The following NSUN3 variants were observed in gnomAD, a reference collection of about 807,000 sequenced individuals.
NSUN3 encodes the protein NOP2/Sun RNA methyltransferase 3, also known as tRNA (cytosine(34)-C(5))-methyltransferase, mitochondrial.
In NSUN3, 24 loss-of-function variants were observed where a neutral mutation model predicts 36.8. That is an observed-to-expected ratio of 0.65 (90% CI 0.47 to 0.92). The LOEUF (loss-of-function observed/expected upper bound fraction) is 0.92. NSUN3 is among the 40% of genes least tolerant of loss of function. The pLI is 0.00. For synonymous variants in NSUN3, 146 were observed against 145.2 expected (o/e 1.01, Z -0.04); for missense variants, 381 against 392.8 (o/e 0.97, Z 0.25).
At chr3:94,124,672 T>C (rs1027277687) in intron 5 of NSUN3, among the ~76,000 whole-genome samples, 14 of 152,200 alleles carry the variant, frequency 9.2e-5, no homozygotes, top group Admixed American at 9.2e-4. Context: ...ATGGACCCTG[T>C]CTGTAAATAC....
Position 94,099,817 on chromosome 3 carries a change from G to A in NSUN3, c.743+4663G>A, listed in dbSNP as rs904088998. Among the ~76,000 whole-genome samples the A allele has an allele frequency of 9.9e-4, 139 of 139,874 alleles. 1 individual carries two copies. The highest frequency in any genetic ancestry group is 1.4e-3 in the Non-Finnish European group (88 of 63,250). 91.8% of individuals were successfully genotyped at this position (139,874 alleles called of 152,430 possible). On this transcript the variant is annotated intron_variant, in intron 5 of 5. Transcript: ENST00000314622. Reference sequence around the variant, plus strand: ...ACTTCAAAAAATGAAAAAAAAAAAAGACTATAGCACTTTTATCATCAGGAA... The same window carrying A: ...ACTTCAAAAAATGAAAAAAAAAAAAAACTATAGCACTTTTATCATCAGGAA...
At chr3:94,084,946 T>G (rs1050763643) in intron 3 of NSUN3, 2 of 152,422 alleles carry the variant, frequency 1.3e-5, no homozygotes, top group Admixed American at 1.3e-4. Context: ...CAGGTGAAAT[T>G]AATTTGAATA....
intron 5 of NSUN3, among the ~76,000 whole-genome samples, chr3:94,119,911 T>C (rs551128179): frequency 6.6e-6 from 1 of 152,400 alleles, no homozygotes; most frequent in South Asian, 2.1e-4. Flanking sequence ...TTTTCTCATT[T>C]AGAAATTAAT....
At position 94,126,300 on chromosome 3, in the gene NSUN3, A is replaced by G. The variant is rs2077485608; in HGVS notation, c.833A>G (p.Glu278Gly). 2 of 1,614,036 alleles carry G rather than the reference A, an allele frequency of 1.2e-6. No homozygotes were observed. Among genetic ancestry groups the G allele is most frequent in the Non-Finnish European group, 1.7e-6 (2 of 1,180,014 alleles). Residue 278 changes from glutamate (E) to glycine (G), a missense_variant, in exon 6 of 6, where the codon GAA becomes GGA. Transcript: ENST00000314622. ...SKAENQDVIS[E>G]ILNSHGNIMP... ...GCAGAAAATCAAGATGTGATCAGTG[A>G]AATTTTAAACTCCCACGGTAACATC...
chr3:94,072,660 G>T (rs2077228740), intron 2 of NSUN3, among the ~76,000 whole-genome samples: 1 of 152,078 alleles, frequency 6.6e-6, no homozygotes, highest in Non-Finnish European at 1.5e-5. Context: ...GAAGAAATCT[G>T]TATAGTTCAG....
intron 5 of NSUN3, among the ~76,000 whole-genome samples, chr3:94,104,969 AT>A (rs2107263032): frequency 6.6e-6 from 1 of 152,322 alleles, no homozygotes; most frequent in African/African-American, 2.4e-5. Context: ...TTTCTTAATA[AT>A]TTGAAAAGCT....
chr3:94,092,144 G>C (rs1252562293), intron 3 of NSUN3, among the ~76,000 whole-genome samples: 1 of 152,150 alleles, frequency 6.6e-6, no homozygotes, highest in Non-Finnish European at 1.5e-5. Flanking sequence ...GTTGGTAGAA[G>C]TTACCAGCTC....
intron 2 of NSUN3, among the ~76,000 whole-genome samples, chr3:94,083,451 T>C (rs371762587): frequency 2.0e-5 from 3 of 152,302 alleles, no homozygotes; most frequent in African/African-American, 4.8e-5. Context: ...GCTTACCTCA[T>C]GTAAATGATG....
At chr3:94,104,437 A>G (rs1009097176) in intron 5 of NSUN3, among the ~76,000 whole-genome samples, 2 of 152,194 alleles carry the variant, frequency 1.3e-5, no homozygotes, top group Non-Finnish European at 2.9e-5. Flanking sequence ...CTGAACCCCA[A>G]CCAGGCCTCT....
chr3:94,092,919 C>CAAA (rs1161530879), intron 3 of NSUN3, among the ~76,000 whole-genome samples: 606 of 24,590 alleles, frequency 0.025, 84 homozygotes, highest in Middle Eastern at 0.05. Flanking sequence ...GACTGCATCT[C>CAAA]AAAAAAAAAA....
At chr3:94,125,156 T>C (rs1171294493) in intron 5 of NSUN3, among the ~76,000 whole-genome samples, 1 of 152,262 alleles carries the variant, frequency 6.6e-6, no homozygotes, top group Non-Finnish European at 1.5e-5. Flanking sequence ...TCTGTCTGCA[T>C]TTAATAGATC....
chr3:94,086,087 G>A (rs762006588), intron 3 of NSUN3, among the ~76,000 whole-genome samples: 4 of 151,912 alleles, frequency 2.6e-5, no homozygotes, highest in Non-Finnish European at 4.4e-5. Flanking sequence ...GGGATTACAG[G>A]TGCCCACCAC....
At chr3:94,096,133 A>G (rs1349938472) in intron 5 of NSUN3, among the ~76,000 whole-genome samples, 1 of 152,180 alleles carries the variant, frequency 6.6e-6, no homozygotes, top group Non-Finnish European at 1.5e-5. Context: ...TCTTGCACGT[A>G]GAAAGACAGT....
chr3:94,112,887 C>T (rs368788080), intron 5 of NSUN3, among the ~76,000 whole-genome samples: 1 of 151,520 alleles, frequency 6.6e-6, no homozygotes, highest in African/African-American at 2.4e-5. Flanking sequence ...TTTTTTGAGA[C>T]GGAGTCTTGC....
Position 94,107,449 on chromosome 3 carries a change from G to C in NSUN3, c.743+12295G>C, listed in dbSNP as rs1299784909. On this transcript the variant is annotated intron_variant, in intron 5 of 5. Transcript: ENST00000314622. The stretch of plus-strand genomic sequence containing the variant: ...ACCACAGCATGTGCCACCACACCTG[G>C]CTAATTTTTTATTTTTTGTAGAAAC... Among the ~76,000 whole-genome samples the C allele has an allele frequency of 3.3e-5, 5 of 151,368 alleles. No individual in the cohort carries two copies. The East Asian group carries it at 9.9e-4, about 30-fold the overall frequency.
intron 5 of NSUN3, among the ~76,000 whole-genome samples, chr3:94,122,194 A>G (rs2077466179): frequency 6.6e-6 from 1 of 151,450 alleles, no homozygotes; most frequent in Non-Finnish European, 1.5e-5. Context: ...CCTCCATGGC[A>G]AAAGCTCTGA....
intron 3 of NSUN3, among the ~76,000 whole-genome samples, chr3:94,091,108 A>G (rs964926710): frequency 7.2e-5 from 11 of 151,828 alleles, no homozygotes; most frequent in Middle Eastern, 3.4e-3. Flanking sequence ...AGCAACTTCA[A>G]TTCTTGCCTC....
intron 5 of NSUN3, among the ~76,000 whole-genome samples, chr3:94,116,065 G>A (rs1481669661): frequency 6.6e-6 from 1 of 152,126 alleles, no homozygotes; most frequent in Non-Finnish European, 1.5e-5. Context: ...CTATAATTAA[G>A]ATAATACATG....
At chr3:94,086,815 A>C (rs576947071) in intron 3 of NSUN3, among the ~76,000 whole-genome samples, 1 of 152,342 alleles carries the variant, frequency 6.6e-6, no homozygotes, top group East Asian at 1.9e-4. Context: ...TATAAGGAGC[A>C]CTTATTTTTA....
Sources: gnomAD v4.1 joint callset for allele counts (sites outside exome capture counted in the v4.1 genomes callset) on GRCh38, gnomAD v4.1.1 for gene constraint, MANE v1.5 for transcripts, NCBI Gene and HGNC (gene_info 2026-07-23, HGNC 2026-07-21) for gene names.